Variants in RPH3A observed in about 807,000 individuals in gnomAD.
RPH3A encodes the protein rabphilin 3A.
RPH3A carries 48 observed loss-of-function variants against 102.2 expected under a neutral mutation model. That is an observed-to-expected ratio of 0.47 (90% CI 0.37 to 0.60). RPH3A has a LOEUF of 0.60. Among genes scored for constraint, RPH3A ranks in the 20% least tolerant of loss-of-function variants. The pLI, the probability that RPH3A is intolerant of heterozygous loss-of-function variation, is 0.00. For missense variants in RPH3A, 781 were observed against 910.1 expected (o/e 0.86, Z 1.83); for synonymous variants, 310 against 324.3 (o/e 0.96, Z 0.47).
intron 1 of RPH3A, among the ~76,000 whole-genome samples, chr12:112,783,877 T>C (rs1754363803): frequency 6.6e-6 from 1 of 152,156 alleles, no homozygotes; most frequent in South Asian, 2.1e-4. Flanking sequence ...TCCTTTATAC[T>C]AGCTTATTTC....
chr12:112,628,365 G>A (rs1197966711), intron 1 of RPH3A, among the ~76,000 whole-genome samples: 1 of 151,622 alleles, frequency 6.6e-6, no homozygotes, highest in African/African-American at 2.4e-5. Flanking sequence ...AGAGGGGAGA[G>A]TAATGAGAGA....
chr12:112,737,279 G>C (rs994744283), intron 1 of RPH3A, among the ~76,000 whole-genome samples: 4 of 152,070 alleles, frequency 2.6e-5, no homozygotes, highest in African/African-American at 4.8e-5. Flanking sequence ...GAGGACTGTG[G>C]ACCAGACTGT....
chr12:112,616,944 G>A (rs193116819), intron 1 of RPH3A, among the ~76,000 whole-genome samples: 2 of 152,322 alleles, frequency 1.3e-5, no homozygotes, highest in East Asian at 1.9e-4. Context: ...TCCCTGGGAA[G>A]GTTTGAGAGG....
intron 1 of RPH3A, among the ~76,000 whole-genome samples, chr12:112,721,872 G>C (rs946630132): frequency 9.2e-5 from 14 of 152,088 alleles, no homozygotes; most frequent in African/African-American, 3.4e-4. Context: ...AGAAGTTTAT[G>C]TCTCCAATTT....
At chr12:112,892,864 T>C (rs1296462775) in intron 19 of RPH3A, 1 of 152,266 alleles carries the variant, frequency 6.6e-6, no homozygotes, top group Non-Finnish European at 1.5e-5. Context: ...AATACTTCCC[T>C]TTAGTCCATG....
intron 8 of RPH3A, 128 bp downstream of exon 8, chr12:112,868,723 G>T (rs1163703077): frequency 3.1e-6 from 3 of 958,758 alleles, no homozygotes; most frequent in East Asian, 2.6e-5. Flanking sequence ...CTGCACTTGG[G>T]TCTAGGACTC....
chr12:112,710,331 C>T (rs984184440), intron 1 of RPH3A, among the ~76,000 whole-genome samples: 8 of 152,302 alleles, frequency 5.3e-5, no homozygotes, highest in East Asian at 3.9e-4. Context: ...CCCAGAACCC[C>T]GTTCTTCCTG....
intron 1 of RPH3A, among the ~76,000 whole-genome samples, chr12:112,705,958 A>G (rs1293546689): frequency 1.3e-5 from 2 of 152,180 alleles, no homozygotes; most frequent in Non-Finnish European, 2.9e-5. Context: ...GGTGCTGGGA[A>G]TATGATGGAT....
In RPH3A at chr12:112,615,650, T is replaced by C. The variant is rs561595805; in HGVS notation, c.-140+40331T>C. Among the ~76,000 whole-genome samples, 237 of 152,284 alleles carry C rather than the reference T, an allele frequency of 1.6e-3. 1 individual carries two copies. Among genetic ancestry groups the C allele is most frequent in the Non-Finnish European group, 2.4e-3 (163 of 68,020 alleles). ...TCTTTTGGCGACTTCTTTTTGTACC[T>C]TGCCTTCTCTTTTTGCCCTCTTCTG... On this transcript the variant is annotated intron_variant, in intron 1 of 21. Coordinates refer to the RPH3A transcript ENST00000543106.
intron 1 of RPH3A, among the ~76,000 whole-genome samples, chr12:112,645,415 A>G (rs986478921): frequency 1.3e-5 from 2 of 152,190 alleles, no homozygotes; most frequent in African/African-American, 4.8e-5. Context: ...ACCCAGGCAC[A>G]TTATGGATCT....
rs1209379988 is a variant in RPH3A at position 112,647,511 on chromosome 12, AAT to A, written c.-140+72194_-140+72195del. 3.2e-4 allele frequency among the ~76,000 whole-genome samples: 48 copies of A among 152,320 alleles called. 1 individual carries two copies. Among genetic ancestry groups the A allele is most frequent in the African/African-American group, 1.1e-3 (47 of 41,580 alleles). On this transcript the variant is annotated intron_variant, in intron 1 of 21. Coordinates refer to the RPH3A transcript ENST00000543106. ...AGATGTTCTAATGGGGGCAATAGGC[AAT>A]AAATGAGTAAATTTCATGCTGCAAT... is the stretch of plus-strand genomic sequence containing the variant.
In RPH3A at chr12:112,896,750, A is replaced by G. The variant is rs752725624; in HGVS notation, c.2055A>G (p.Leu685=). Residue 685 remains leucine (L), a synonymous_variant, in exon 22 of 22, where the codon CTA becomes CTG. Transcript: ENST00000389385. ...AGAAGATAGAGCGCTGGCACCAGCT[A>G]CAGAATGAGAACCACGTGTCAAGTG... The part of the protein sequence containing the change: ...KDKKIERWHQ[L]QNENHVSSD 2 of 1,614,154 alleles carry G rather than the reference A, an allele frequency of 1.2e-6. No individual in the cohort carries two copies. Among genetic ancestry groups the G allele is most frequent in the Non-Finnish European group, 1.7e-6 (2 of 1,180,008 alleles).
intron 1 of RPH3A, among the ~76,000 whole-genome samples, chr12:112,583,934 C>T (rs949788651): frequency 4.6e-5 from 7 of 152,056 alleles, no homozygotes; most frequent in Admixed American, 2.0e-4. Context: ...TGCAGTGAGC[C>T]GATATTGTGC....
intron 1 of RPH3A, among the ~76,000 whole-genome samples, chr12:112,652,071 T>C (rs1297593635): frequency 6.6e-6 from 1 of 152,228 alleles, no homozygotes; most frequent in East Asian, 1.9e-4. Flanking sequence ...TATGTACAAA[T>C]GTCCATTTGA....
At chr12:112,722,829 T>C (rs889673592) in intron 1 of RPH3A, among the ~76,000 whole-genome samples, 6 of 152,226 alleles carry the variant, frequency 3.9e-5, no homozygotes, top group Non-Finnish European at 1.5e-5. Context: ...CTGGTGACTT[T>C]GTGGGGCTGC....
chr12:112,744,268 G>T (rs2040728988), intron 1 of RPH3A, among the ~76,000 whole-genome samples: 1 of 152,024 alleles, frequency 6.6e-6, no homozygotes, highest in Non-Finnish European at 1.5e-5. Flanking sequence ...TAGAGACAAG[G>T]TTTCACCATG....
At chr12:112,670,458 T>C (rs1415359205) in intron 1 of RPH3A, among the ~76,000 whole-genome samples, 1 of 152,210 alleles carries the variant, frequency 6.6e-6, no homozygotes, top group Admixed American at 6.5e-5. Flanking sequence ...ATCTCTTGAA[T>C]AGCACACAAA....
chr12:112,781,708 C>A (rs952286637), intron 1 of RPH3A, among the ~76,000 whole-genome samples: 1 of 152,212 alleles, frequency 6.6e-6, no homozygotes, highest in African/African-American at 2.4e-5. Context: ...CTCAATCATT[C>A]GTTCATTCAT....
Position 112,715,093 on chromosome 12 carries a change from C to A in RPH3A, c.-139-77050C>A, listed in dbSNP as rs1052064695. The stretch of plus-strand genomic sequence containing the variant: ...ATTTAATGAATATTTATATTAACAT[C>A]ATTTTTCCATCTCTCCATATGCTTT... On this transcript the variant is annotated intron_variant, in intron 1 of 21. Transcript: ENST00000543106. Among the ~76,000 whole-genome samples the A allele has an allele frequency of 4.7e-4, 72 of 152,170 alleles. 1 individual carries two copies. The highest frequency in any genetic ancestry group is 2.8e-3 in the Admixed American group (43 of 15,274).
Sources: gnomAD v4.1 joint callset for allele counts (sites outside exome capture counted in the v4.1 genomes callset) on GRCh38, gnomAD v4.1.1 for gene constraint, MANE v1.5 for transcripts, NCBI Gene and HGNC (gene_info 2026-07-23, HGNC 2026-07-21) for gene names.